RAI14: variants seen among roughly 807,000 people sequenced by gnomAD.
RAI14 encodes the protein ankycorbin.
A neutral mutation model predicts 115.4 loss-of-function variants in RAI14; 45 were observed. The ratio of observed to expected loss-of-function variants is 0.39; its 90% CI spans 0.31 to 0.50. The LOEUF (loss-of-function observed/expected upper bound fraction) is 0.50, where lower values mean the gene tolerates loss of function less well. Among genes scored for constraint, RAI14 ranks in the 20% least tolerant of loss-of-function variants. The pLI is 0.85. For synonymous variants in RAI14, 371 were observed against 415.4 expected, an observed-to-expected ratio of 0.89 and a Z score of 1.30; for missense variants, 939 against 1,131.2, an observed-to-expected ratio of 0.83 and a Z score of 2.44.
chr5:34,753,176 T>C (rs1747356105), intron 2 of RAI14, among the ~76,000 whole-genome samples: 1 of 152,118 alleles, frequency 6.6e-6, no homozygotes, highest in African/African-American at 2.4e-5. Context: ...GGAGAGGATT[T>C]TCATGGAAAG....
chr5:34,826,446 G>A lies in RAI14; in HGVS notation c.2766G>A (p.Gln922=). ...AGAGTCAGCAGCTGGAGGCGCTGCA[G>A]CAGCAAGTCAAACAGCTCCAGAACC... The part of the protein sequence containing the change: ...KRQSQQLEAL[Q]QQVKQLQNQL... Residue 922 remains glutamine, a synonymous_variant, in exon 16 of 18, where the codon CAG becomes CAA. Transcript: ENST00000265109. 6.2e-7 allele frequency: 1 copy of A among 1,613,906 alleles called. No homozygotes were observed. Among genetic ancestry groups the A allele is most frequent in the Non-Finnish European group, 8.5e-7 (1 of 1,179,882 alleles).
intron 5 of RAI14, among the ~76,000 whole-genome samples, chr5:34,807,594 G>T (rs1755077529): frequency 6.6e-6 from 1 of 152,226 alleles, no homozygotes; most frequent in African/African-American, 2.4e-5. Flanking sequence ...AGGTGAAGCA[G>T]CAAAGAGGGG....
intron 7 of RAI14, among the ~76,000 whole-genome samples, chr5:34,810,512 A>G (rs929325705): frequency 4.6e-5 from 7 of 152,118 alleles, no homozygotes; most frequent in African/African-American, 1.4e-4. Flanking sequence ...CTCTTAATTT[A>G]TGTTATATTT....
rs556413985 is a variant in RAI14, at chr5:34,666,448, C to G, written c.-49+9973C>G. Reference sequence around the variant, plus strand: ...TGCCTTTTTCTTCTTGGCCCCCCAGCCTGATGTGGCTGTCTTGATGGGGAC... The same window carrying G: ...TGCCTTTTTCTTCTTGGCCCCCCAGGCTGATGTGGCTGTCTTGATGGGGAC... On this transcript the variant is annotated intron_variant, in intron 1 of 17. Transcript: ENST00000265109. Among the ~76,000 whole-genome samples, 3 of 152,276 alleles carry G rather than the reference C, an allele frequency of 2.0e-5. No individual in the cohort carries two copies. In the East Asian group the frequency reaches 5.8e-4, roughly 29 times the overall value.
intron 2 of RAI14, among the ~76,000 whole-genome samples, chr5:34,746,926 G>A (rs936511374): frequency 2.0e-5 from 3 of 152,084 alleles, no homozygotes; most frequent in South Asian, 2.1e-4. Context: ...TAAGTCTCAC[G>A]AGATCTAATG....
intron 1 of RAI14, among the ~76,000 whole-genome samples, chr5:34,680,480 A>G (rs1440446570): frequency 6.6e-6 from 1 of 152,150 alleles, no homozygotes; most frequent in Non-Finnish European, 1.5e-5. Context: ...GAAGGGTAGA[A>G]CCCTCATGAC....
At chr5:34,669,271 G>A (rs535792653) in intron 1 of RAI14, among the ~76,000 whole-genome samples, 1 of 152,318 alleles carries the variant, frequency 6.6e-6, no homozygotes, top group Admixed American at 6.5e-5. Flanking sequence ...ACAGGCACAC[G>A]ATGCACTGAT....
At chr5:34,811,229 C>G in intron 8 of RAI14, 111 bp downstream of exon 8, 1 of 1,237,828 alleles carries the variant, frequency 8.1e-7, no homozygotes, top group South Asian at 1.4e-5. Context: ...GGATTTTTAA[C>G]TTCTTACCTT....
chr5:34,814,887 A>T lies in RAI14; in HGVS notation c.939+218A>T, dbSNP rs1032501081. On this transcript the variant is annotated intron_variant, in intron 12 of 17. Coordinates refer to ENST00000265109, the MANE Select transcript of RAI14 (RefSeq NM_015577.3). ...GTATCCATAATAATTTAAAATTTTT[A>T]AAAAATCATTGAGTGAATAAATTAA... Among the ~76,000 whole-genome samples, 8 of 152,268 alleles carry T rather than the reference A, an allele frequency of 5.3e-5. No homozygotes were observed. In the South Asian group the frequency reaches 6.2e-4, roughly 12 times the overall value.
chr5:34,750,569 C>G (rs1483452594), intron 2 of RAI14, among the ~76,000 whole-genome samples: 1 of 152,090 alleles, frequency 6.6e-6, no homozygotes, highest in Admixed American at 6.5e-5. Flanking sequence ...GGACTTCTTT[C>G]TAAATTCTGT....
At chr5:34,810,942 C>A in intron 7 of RAI14, 70 bp from the exon 8 acceptor site, 1 of 1,599,626 alleles carries the variant, frequency 6.3e-7, no homozygotes, top group Non-Finnish European at 8.5e-7. Flanking sequence ...GTGCAAAAAA[C>A]AGGGGCTGAC....
At chr5:34,777,879 G>A (rs1290564068) in intron 3 of RAI14, among the ~76,000 whole-genome samples, 1 of 151,230 alleles carries the variant, frequency 6.6e-6, no homozygotes, top group African/African-American at 2.4e-5. Flanking sequence ...TGTGGGGGGG[G>A]TGTGGATAAA....
intron 1 of RAI14, among the ~76,000 whole-genome samples, chr5:34,672,230 C>G (rs1743668056): frequency 6.6e-6 from 1 of 152,058 alleles, no homozygotes; most frequent in Non-Finnish European, 1.5e-5. Flanking sequence ...CACCTGTATA[C>G]TTGGCTTCTA....
In RAI14 at chr5:34,757,584, T is replaced by C; in HGVS notation, c.153T>C (p.Ser51=). 6.2e-7 allele frequency: 1 copy of C among 1,612,800 alleles called. No individual in the cohort carries two copies. Among genetic ancestry groups the C allele is most frequent in the South Asian group, 1.1e-5 (1 of 90,834 alleles). The change falls in exon 3 of 18, where the codon AGT becomes AGC. Residue 51 remains serine (S), a synonymous_variant. Coordinates refer to ENST00000265109, the MANE Select transcript of RAI14 (RefSeq NM_015577.3). ...KKGASATKHD[S]EGKTAFHLAA... The stretch of plus-strand genomic sequence containing the variant: ...GGGCCAGTGCCACCAAACACGACAG[T>C]GAGGGCAAGACCGCGTAAGCTGAAA...
At chr5:34,674,265 T>A (rs771375832) in intron 1 of RAI14, among the ~76,000 whole-genome samples, 1 of 152,218 alleles carries the variant, frequency 6.6e-6, no homozygotes, top group Non-Finnish European at 1.5e-5. Context: ...TATATATTCC[T>A]TATTCTGAAA....
intron 3 of RAI14, among the ~76,000 whole-genome samples, chr5:34,793,893 G>T (rs1753208375): frequency 6.6e-6 from 1 of 152,126 alleles, no homozygotes; most frequent in Non-Finnish European, 1.5e-5. Flanking sequence ...CCCTAAACAT[G>T]CAATTCAATA....
chr5:34,681,898 C>A (rs1744414973), intron 1 of RAI14, among the ~76,000 whole-genome samples: 1 of 137,774 alleles, frequency 7.3e-6, no homozygotes, highest in South Asian at 2.2e-4. Flanking sequence ...TCTTGTTGCC[C>A]AGGCTGGAGT....
chr5:34,700,270 G>A (rs1739897971), intron 2 of RAI14, among the ~76,000 whole-genome samples: 1 of 152,174 alleles, frequency 6.6e-6, no homozygotes, highest in Non-Finnish European at 1.5e-5. Context: ...GGTGCCTGGT[G>A]AATAACTGGA....
intron 16 of RAI14, among the ~76,000 whole-genome samples, chr5:34,828,275 T>C (rs1234623282): frequency 6.6e-6 from 1 of 152,104 alleles, no homozygotes; most frequent in Non-Finnish European, 1.5e-5. Flanking sequence ...GAGGCAGGGC[T>C]ACAACCATGA....
Sources: gnomAD v4.1 joint callset for allele counts (sites outside exome capture counted in the v4.1 genomes callset) on GRCh38, gnomAD v4.1.1 for gene constraint, MANE v1.5 for transcripts, NCBI Gene and HGNC (gene_info 2026-07-23, HGNC 2026-07-21) for gene names.